Variants in THADA observed in about 807,000 individuals in gnomAD.
THADA encodes the protein tRNA (32-2'-O)-methyltransferase regulator THADA.
In THADA, 213 loss-of-function variants were observed where a neutral mutation model predicts 219.8. That is an observed-to-expected ratio of 0.97 (90% confidence interval 0.87 to 1.09). The LOEUF (loss-of-function observed/expected upper bound fraction) is 1.09, where lower values mean the gene tolerates loss of function less well. THADA is among the 50% of genes least tolerant of loss of function. The pLI, the probability that THADA is intolerant of heterozygous loss-of-function variation, is 0.00. For synonymous variants in THADA, 1,018 were observed against 828.9 expected, an observed-to-expected ratio of 1.23 and a Z score of -3.92; for missense variants, 2,956 against 2,311.3, an observed-to-expected ratio of 1.28 and a Z score of -5.72.
chr2:43,578,500 G>A lies in THADA; in HGVS notation c.816+13C>T, dbSNP rs761117475. On this transcript the variant is annotated intron_variant, in intron 9 of 37. Transcript: ENST00000405975. ...CTCAATAAAGTACAATTCTAAAAAGGAGATGCACTTACCAAATGAGGAATC... is the reference window on the plus strand; with the variant it reads ...CTCAATAAAGTACAATTCTAAAAAGAAGATGCACTTACCAAATGAGGAATC... 3 of 1,587,618 alleles carry A rather than the reference G, an allele frequency of 1.9e-6. No homozygotes were observed. The highest frequency in any genetic ancestry group is 2.2e-5 in the East Asian group (1 of 44,688).
At chr2:43,310,514 G>T (rs1677386636) in intron 31 of THADA, among the ~76,000 whole-genome samples, 2 of 152,154 alleles carry the variant, frequency 1.3e-5, no homozygotes, top group African/African-American at 4.8e-5. Context: ...TTGAAATACA[G>T]TGCTAGGACA....
chr2:43,504,254 A>G (rs1279508764), intron 24 of THADA, among the ~76,000 whole-genome samples: 3 of 152,084 alleles, frequency 2.0e-5, no homozygotes, highest in Non-Finnish European at 4.4e-5. Flanking sequence ...ATTTCAGTCA[A>G]TTTTTTAAAG....
At chr2:43,333,596 T>C (rs1360382060) in intron 30 of THADA, among the ~76,000 whole-genome samples, 3 of 151,610 alleles carry the variant, frequency 2.0e-5, no homozygotes, top group Non-Finnish European at 4.4e-5. Context: ...AGGCAAAACA[T>C]AACCCCTAGC....
At chr2:43,525,348 T>C (rs1486834986) in intron 22 of THADA, among the ~76,000 whole-genome samples, 2 of 152,228 alleles carry the variant, frequency 1.3e-5, no homozygotes, top group Non-Finnish European at 2.9e-5. Flanking sequence ...CTTGCCACTT[T>C]GCTGTCAAAA....
In THADA at chr2:43,423,335, G is replaced by C. The variant is rs1474758775; in HGVS notation, c.4058+4765C>G. Among the ~76,000 whole-genome samples, 6 of 152,138 alleles carry C rather than the reference G, an allele frequency of 3.9e-5. No homozygotes were observed. The East Asian group carries it at 1.2e-3, about 29-fold the overall frequency. On this transcript the variant is annotated intron_variant, in intron 28 of 37. Coordinates refer to ENST00000405975, the MANE Select transcript of THADA (RefSeq NM_022065.5). ...AGATTCTTTCCCTATCTCCTCAAAA[G>C]AATTTTCACTTGGACTTTCCAGCAT...
intron 36 of THADA, among the ~76,000 whole-genome samples, chr2:43,249,219 C>A (rs1451372792): frequency 6.6e-6 from 1 of 152,028 alleles, no homozygotes; most frequent in African/African-American, 2.4e-5. Flanking sequence ...TCCTGAGTAA[C>A]TGGAACTACA....
chr2:43,235,136 T>C (rs1022115323), intron 36 of THADA, among the ~76,000 whole-genome samples: 6 of 150,914 alleles, frequency 4.0e-5, no homozygotes, highest in South Asian at 2.1e-4. Context: ...CCTGCCACCA[T>C]GGCTGGCTAA....
In THADA at chr2:43,566,790, A is replaced by G. The variant is rs750805266; in HGVS notation, c.2219T>C (p.Phe740Ser). The G allele has an allele frequency of 6.5e-7, 1 of 1,534,480 alleles. No individual in the cohort carries two copies. The highest frequency in any genetic ancestry group is 1.3e-5 in the South Asian group (1 of 77,544). The change falls in exon 15 of 38, where the codon TTT (phenylalanine) becomes TCT (serine). Residue 740 changes from phenylalanine to serine, a missense_variant. By Grantham distance (155) the Phe-to-Ser change is radical. Transcript: ENST00000405975. ...GGAAGATCCAGGAAACAATGCTTCA[A>G]AAAGACTGTTACAAATGGATGACAT... Reference protein sequence around the residue: ...NFMSSICNSLFEALFPGSSYS... With the variant: ...NFMSSICNSLSEALFPGSSYS...
intron 29 of THADA, among the ~76,000 whole-genome samples, chr2:43,364,234 A>T (rs1669866061): frequency 6.6e-6 from 1 of 152,172 alleles, no homozygotes; most frequent in African/African-American, 2.4e-5. Context: ...AAAATAAAAG[A>T]AAATAAAATA....
At chr2:43,414,852 C>T (rs1343357177) in intron 28 of THADA, among the ~76,000 whole-genome samples, 1 of 152,084 alleles carries the variant, frequency 6.6e-6, no homozygotes, top group African/African-American at 2.4e-5. Context: ...CAAAGACAAG[C>T]TTTCATCTTA....
At chr2:43,268,573 T>A (rs1278657040) in intron 36 of THADA, among the ~76,000 whole-genome samples, 2 of 152,122 alleles carry the variant, frequency 1.3e-5, no homozygotes, top group South Asian at 4.1e-4. Context: ...TCTGGGAGAT[T>A]TGAGAACAGA....
intron 30 of THADA, among the ~76,000 whole-genome samples, chr2:43,322,134 C>G (rs771847509): frequency 3.3e-5 from 5 of 151,640 alleles, no homozygotes; most frequent in South Asian, 2.1e-4. Context: ...CTCCTGAATT[C>G]GTGATTATCC....
At chr2:43,548,895 G>T (rs1183775884) in intron 20 of THADA, among the ~76,000 whole-genome samples, 2 of 152,166 alleles carry the variant, frequency 1.3e-5, no homozygotes, top group Admixed American at 6.5e-5. Flanking sequence ...CCCACTGTCT[G>T]GCACTCCCTA....
chr2:43,558,770 T>C (rs1207369563), intron 16 of THADA, among the ~76,000 whole-genome samples: 1 of 152,186 alleles, frequency 6.6e-6, no homozygotes, highest in Non-Finnish European at 1.5e-5. Context: ...ATCTATCCTA[T>C]TAGTTCTGTC....
At chr2:43,485,782 C>T (rs1422998613) in intron 25 of THADA, among the ~76,000 whole-genome samples, 2 of 151,664 alleles carry the variant, frequency 1.3e-5, no homozygotes, top group Admixed American at 6.6e-5. Flanking sequence ...GTAATCCCAG[C>T]TACTTGGGAG....
intron 17 of THADA, among the ~76,000 whole-genome samples, chr2:43,554,614 G>A (rs576241667): frequency 3.5e-4 from 53 of 152,112 alleles, no homozygotes; most frequent in African/African-American, 1.2e-3. Context: ...ATGAGATATC[G>A]TTTTATATTA....
chr2:43,232,866 C>G lies in THADA; in HGVS notation c.5313G>C (p.Gln1771His). 3.7e-6 allele frequency: 6 copies of G among 1,610,334 alleles called. No individual in the cohort carries two copies. The highest frequency in any genetic ancestry group is 1.1e-5 in the South Asian group (1 of 90,050). ...TCQSTEFAFC[Q>H]VDASIALALA... The stretch of plus-strand genomic sequence containing the variant: ...GGGCCAGAGCGATGGAGGCATCCAC[C>G]TGGCAGAAGGCAAACTCTGCAAAGA... The change falls in exon 37 of 38, where the codon CAG becomes CAC. Residue 1771 changes from glutamine to histidine, a missense_variant. Physicochemically the swap from Gln to His is conservative, Grantham distance 24 (BLOSUM62 0). Transcript: ENST00000405975.
intron 29 of THADA, among the ~76,000 whole-genome samples, chr2:43,350,053 T>C (rs1668074903): frequency 6.6e-6 from 1 of 152,222 alleles, no homozygotes; most frequent in Non-Finnish European, 1.5e-5. Context: ...ATAAATGATC[T>C]ATGCTGGGAA....
rs1354638326 is a variant in THADA, at chr2:43,278,988, A to G, written c.5296+777T>C. 6.6e-5 allele frequency among the ~76,000 whole-genome samples: 10 copies of G among 152,324 alleles called. No individual in the cohort carries two copies. In the East Asian group the frequency reaches 9.6e-4, roughly 15 times the overall value. Reference sequence around the variant, plus strand: ...AGACCTTTCCTGGCACCCAGCCCCAAGCACAGAGAATCCGAGTCTGCTAAA... The same window carrying G: ...AGACCTTTCCTGGCACCCAGCCCCAGGCACAGAGAATCCGAGTCTGCTAAA... On this transcript the variant is annotated intron_variant, in intron 36 of 37. Transcript: ENST00000405975.
Sources: allele counts gnomAD v4.1 joint callset (sites outside exome capture counted in the v4.1 genomes callset), GRCh38; gene constraint gnomAD v4.1.1; transcripts MANE v1.5; gene names NCBI Gene and HGNC (gene_info 2026-07-23, HGNC 2026-07-21).